SPAG16: variants seen among roughly 807,000 people sequenced by gnomAD.
SPAG16 encodes the protein sperm associated antigen 16.
Under a neutral mutation model 80.4 loss-of-function variants are expected in SPAG16, and 86 were observed. That is an observed-to-expected ratio of 1.07 (90% CI 0.90 to 1.28). The LOEUF (loss-of-function observed/expected upper bound fraction) is 1.28, where lower values mean the gene tolerates loss of function less well. SPAG16 is among the 50% of genes most tolerant of loss of function. The pLI is 0.00. For missense variants in SPAG16, 870 were observed against 765.3 expected (o/e 1.14, Z -1.61); for synonymous variants, 294 against 265.9 (o/e 1.11, Z -1.03).
intron 11 of SPAG16, among the ~76,000 whole-genome samples, chr2:213,872,887 A>C (rs2076005976): frequency 6.6e-6 from 1 of 152,026 alleles, no homozygotes; most frequent in Non-Finnish European, 1.5e-5. Context: ...TATTACATTG[A>C]TTTTTGTATG....
intron 15 of SPAG16, among the ~76,000 whole-genome samples, chr2:214,261,812 A>ATAATT (rs1227919473): frequency 6.6e-6 from 1 of 152,150 alleles, no homozygotes; most frequent in South Asian, 2.1e-4. Flanking sequence ...TGTCTCATTT[A>ATAATT]TAATTTTTAT....
At chr2:213,879,443 T>C (rs2076263918) in intron 11 of SPAG16, among the ~76,000 whole-genome samples, 1 of 151,690 alleles carries the variant, frequency 6.6e-6, no homozygotes, top group Admixed American at 6.6e-5. Context: ...CTATTGTAAA[T>C]GAGATTGCTT....
chr2:214,186,522 A>G (rs1032096710), intron 15 of SPAG16, among the ~76,000 whole-genome samples: 1 of 152,036 alleles, frequency 6.6e-6, no homozygotes, highest in Non-Finnish European at 1.5e-5. Flanking sequence ...TTACAGATGA[A>G]TCTGTAGAAT....
At chr2:213,317,617 G>A in intron 5 of SPAG16, 1 of 1,090,820 alleles carries the variant, frequency 9.2e-7, no homozygotes, top group Non-Finnish European at 1.1e-6. Flanking sequence ...TCACTTCCTT[G>A]TGTATTTGAT....
chr2:214,211,590 A>C (rs944100982), intron 15 of SPAG16, among the ~76,000 whole-genome samples: 23 of 152,196 alleles, frequency 1.5e-4, no homozygotes, highest in African/African-American at 5.3e-4. Context: ...ATGTCTCTTC[A>C]GCACTTCTTC....
chr2:213,575,447 G>T (rs2060090889), intron 10 of SPAG16, among the ~76,000 whole-genome samples: 1 of 151,828 alleles, frequency 6.6e-6, no homozygotes, highest in African/African-American at 2.4e-5. Flanking sequence ...TTATTCATTT[G>T]AGATCTATTG....
chr2:214,272,686 T>A (rs1692123631), intron 15 of SPAG16, among the ~76,000 whole-genome samples: 1 of 152,238 alleles, frequency 6.6e-6, no homozygotes, highest in South Asian at 2.1e-4. Flanking sequence ...TAATCCAGTG[T>A]ATCACTGATG....
chr2:213,978,185 A>G (rs1244140011), intron 12 of SPAG16, among the ~76,000 whole-genome samples: 1 of 152,016 alleles, frequency 6.6e-6, no homozygotes, highest in African/African-American at 2.4e-5. Flanking sequence ...ACCAGTCCTT[A>G]ACTGATAAGT....
chr2:213,884,031 A>AT (rs2076458175), intron 11 of SPAG16, among the ~76,000 whole-genome samples: 1 of 152,040 alleles, frequency 6.6e-6, no homozygotes, highest in South Asian at 2.1e-4. Flanking sequence ...GATATGTGAG[A>AT]TTTTTATTCT....
chr2:214,341,831 C>CA (rs1697721181), intron 15 of SPAG16, among the ~76,000 whole-genome samples: 2 of 152,054 alleles, frequency 1.3e-5, no homozygotes. Flanking sequence ...AACTAGAAAA[C>CA]AACTGACTCA....
chr2:213,463,983 G>T (rs2072531062), intron 9 of SPAG16, among the ~76,000 whole-genome samples: 1 of 152,234 alleles, frequency 6.6e-6, no homozygotes, highest in Non-Finnish European at 1.5e-5. Flanking sequence ...TCTGGGCCTA[G>T]AGAGGGAGAA....
chr2:214,149,102 C>A, intron 14 of SPAG16, 38 bp from the exon 15 acceptor site: 49 of 791,634 alleles, frequency 6.2e-5, no homozygotes, highest in Non-Finnish European at 7.7e-5. Context: ...TATATACATA[C>A]ATACACATTT....
intron 15 of SPAG16, among the ~76,000 whole-genome samples, chr2:214,162,635 A>C (rs1182703014): frequency 6.6e-6 from 1 of 152,106 alleles, no homozygotes; most frequent in East Asian, 1.9e-4. Context: ...CAATAGACAC[A>C]TCATTTTCTG....
chr2:213,608,106 T>G (rs986779310), intron 10 of SPAG16, among the ~76,000 whole-genome samples: 2 of 152,210 alleles, frequency 1.3e-5, no homozygotes, highest in Non-Finnish European at 2.9e-5. Context: ...TGAGTGTGTG[T>G]GTGCGTGTTA....
chr2:213,969,043 G>A (rs944419110), intron 12 of SPAG16, among the ~76,000 whole-genome samples: 89 of 152,268 alleles, frequency 5.8e-4, no homozygotes, highest in African/African-American at 1.6e-3. Flanking sequence ...TAAACAAATG[G>A]CATTTGAGGT....
intron 9 of SPAG16, among the ~76,000 whole-genome samples, chr2:213,444,934 A>T (rs1259685798): frequency 2.0e-5 from 3 of 152,216 alleles, no homozygotes; most frequent in African/African-American, 7.2e-5. Flanking sequence ...TTCAGAAATA[A>T]ATCCACTCAT....
At chr2:213,632,478 T>C (rs2062193465) in intron 10 of SPAG16, among the ~76,000 whole-genome samples, 1 of 152,178 alleles carries the variant, frequency 6.6e-6, no homozygotes. Context: ...TTTTGTCTGA[T>C]TGCTCTAGCT....
chr2:213,800,033 T>C (rs2071285140), intron 10 of SPAG16, among the ~76,000 whole-genome samples: 1 of 152,094 alleles, frequency 6.6e-6, no homozygotes, highest in African/African-American at 2.4e-5. Context: ...AAAAGTTCTT[T>C]AGTTCACCTA....
At chr2:214,124,847 A>G (rs2054398751) in intron 14 of SPAG16, among the ~76,000 whole-genome samples, 1 of 151,744 alleles carries the variant, frequency 6.6e-6, no homozygotes, top group Non-Finnish European at 1.5e-5. Context: ...ATGGGCTGGA[A>G]TTTCCTGGAG....
Sources: allele counts gnomAD v4.1 joint callset (sites outside exome capture counted in the v4.1 genomes callset), GRCh38; gene constraint gnomAD v4.1.1; transcripts MANE v1.5; gene names NCBI Gene and HGNC (gene_info 2026-07-23, HGNC 2026-07-21).